VWA8: variants seen among roughly 807,000 people sequenced by gnomAD.
VWA8 encodes von Willebrand factor A domain containing 8.
Under a neutral mutation model 241.5 loss-of-function variants are expected in VWA8, and 221 were observed. The ratio of observed to expected loss-of-function variants is 0.91; its 90% CI spans 0.82 to 1.02. VWA8 has a LOEUF of 1.02. Ranked by LOEUF, VWA8 falls within the 50% of genes least tolerant of loss-of-function variation. The probability of loss-of-function intolerance (pLI) is 0.00; values close to 1 mark genes in which losing one functional copy is unlikely to be tolerated. For missense variants in VWA8, 2,322 were observed against 2,328.7 expected (o/e 1.00, Z 0.06); for synonymous variants, 852 against 827.1 (o/e 1.03, Z -0.52).
intron 17 of VWA8, among the ~76,000 whole-genome samples, chr13:41,802,981 G>A (rs1384766030): frequency 6.6e-6 from 1 of 152,214 alleles, no homozygotes; most frequent in African/African-American, 2.4e-5. Context: ...GATTCCATTT[G>A]TTTGAGGGAA....
intron 9 of VWA8, among the ~76,000 whole-genome samples, chr13:41,878,597 C>T (rs551626602): frequency 4.5e-4 from 69 of 152,274 alleles, no homozygotes; most frequent in African/African-American, 1.6e-3. Context: ...CATTAACTAG[C>T]TCTTCACATA....
At chr13:41,657,974 T>C (rs1299307516) in intron 37 of VWA8, among the ~76,000 whole-genome samples, 3 of 152,232 alleles carry the variant, frequency 2.0e-5, no homozygotes, top group African/African-American at 7.2e-5. Context: ...TAACGCATCT[T>C]TTAAAGGTTA....
chr13:41,711,829 A>G (rs955850545), intron 26 of VWA8, among the ~76,000 whole-genome samples: 16 of 152,220 alleles, frequency 1.1e-4, no homozygotes, highest in South Asian at 2.1e-4. Flanking sequence ...AGCCGAGATC[A>G]TGCCACTGCA....
At chr13:41,592,832 G>T (rs12876429) in intron 40 of VWA8, among the ~76,000 whole-genome samples, 48,337 of 151,822 alleles carry the variant, frequency 0.32, 8,406 homozygotes, top group Non-Finnish European at 0.4. Context: ...TAACCTGTCG[G>T]CATCTTTGTT....
chr13:41,607,570 C>CA, intron 39 of VWA8, among the ~76,000 whole-genome samples: 1 of 152,202 alleles, frequency 6.6e-6, no homozygotes, highest in South Asian at 2.1e-4. Context: ...GTTTATATGT[C>CA]AATATGCTTC....
At chr13:41,851,411 A>G (rs1872527661) in intron 12 of VWA8, among the ~76,000 whole-genome samples, 1 of 152,190 alleles carries the variant, frequency 6.6e-6, no homozygotes, top group African/African-American at 2.4e-5. Flanking sequence ...AATGACAGTG[A>G]TATGGTTTGG....
intron 21 of VWA8, among the ~76,000 whole-genome samples, chr13:41,758,423 T>TGG (rs2045713690): frequency 8.5e-6 from 1 of 117,360 alleles, no homozygotes; most frequent in Admixed American, 9.3e-5. Flanking sequence ...TATATATATA[T>TGG]ATATATACGC....
intron 17 of VWA8, among the ~76,000 whole-genome samples, chr13:41,794,499 G>C (rs1869600415): frequency 6.6e-6 from 1 of 152,212 alleles, no homozygotes; most frequent in Non-Finnish European, 1.5e-5. Context: ...CTGAGACTTT[G>C]CTGAAGTTGC....
chr13:41,588,223 G>A (rs752340404), intron 41 of VWA8, among the ~76,000 whole-genome samples: 9 of 152,188 alleles, frequency 5.9e-5, no homozygotes, highest in Non-Finnish European at 1.2e-4. Flanking sequence ...AACGACTTTT[G>A]TGTTTACTAA....
chr13:41,708,510 G>A (rs2045296858), intron 26 of VWA8, among the ~76,000 whole-genome samples: 1 of 152,126 alleles, frequency 6.6e-6, no homozygotes, highest in African/African-American at 2.4e-5. Flanking sequence ...AGAAACTTCA[G>A]AATGTCGCTT....
chr13:41,803,417 G>T (rs1870046032), intron 17 of VWA8, among the ~76,000 whole-genome samples: 3 of 152,150 alleles, frequency 2.0e-5, no homozygotes, highest in South Asian at 2.1e-4. Flanking sequence ...ACCTGAGACT[G>T]GGAAATTTAC....
chr13:41,737,291 C>G (rs925642186), intron 21 of VWA8, among the ~76,000 whole-genome samples: 2 of 152,124 alleles, frequency 1.3e-5, no homozygotes, highest in African/African-American at 2.4e-5. Flanking sequence ...ATAACTTTCA[C>G]AAGACCTATT....
At chr13:41,875,521 C>G (rs1402605069) in intron 9 of VWA8, among the ~76,000 whole-genome samples, 1 of 152,016 alleles carries the variant, frequency 6.6e-6, no homozygotes, top group African/African-American at 2.4e-5. Flanking sequence ...GGGGGTTCAG[C>G]TTCATCTCCA....
At chr13:41,797,166 G>C (rs1257664733) in intron 17 of VWA8, among the ~76,000 whole-genome samples, 1 of 151,490 alleles carries the variant, frequency 6.6e-6, no homozygotes, top group African/African-American at 2.4e-5. Context: ...AGGCAGCTGG[G>C]ATTACAGGCA....
At chr13:41,786,625 G>GT (rs1869203293) in intron 18 of VWA8, among the ~76,000 whole-genome samples, 1 of 151,876 alleles carries the variant, frequency 6.6e-6, no homozygotes, top group South Asian at 2.1e-4. Flanking sequence ...TTGACTCTGC[G>GT]TATCTGTATT....
At chr13:41,885,133 T>C (rs535412516) in intron 8 of VWA8, among the ~76,000 whole-genome samples, 1 of 152,304 alleles carries the variant, frequency 6.6e-6, no homozygotes, top group African/African-American at 2.4e-5. Context: ...ACTTTTTCCA[T>C]ATCATAAAAT....
chr13:41,810,363 C>A lies in VWA8; in HGVS notation c.2063+862G>T, dbSNP rs577197754. 2.7e-4 allele frequency among the ~76,000 whole-genome samples: 41 copies of A among 152,088 alleles called. 2 individuals are homozygous for A. Among genetic ancestry groups the A allele is most frequent in the Admixed American group, 2.1e-3 (32 of 15,276 alleles). On this transcript the variant is annotated intron_variant, in intron 17 of 44. Coordinates refer to ENST00000379310, the MANE Select transcript of VWA8 (RefSeq NM_015058.2). ...AGCACTATTCACAATAGCTAAGATT[C>A]GGAGGCAACCTAAGTGTTCATCAAC... is the stretch of plus-strand genomic sequence containing the variant.
Position 41,700,495 on chromosome 13 carries a change from C to A in VWA8, c.3364+897G>T, listed in dbSNP as rs368768519. Reference sequence around the variant, plus strand: ...GGATCTTTCATAATGCTTCCATTATCAACACAAATAAGTTCTATTCAACAT... The same window carrying A: ...GGATCTTTCATAATGCTTCCATTATAAACACAAATAAGTTCTATTCAACAT... On this transcript the variant is annotated intron_variant, in intron 28 of 44. Transcript: ENST00000379310. Among the ~76,000 whole-genome samples the A allele has an allele frequency of 2.9e-4, 44 of 152,154 alleles. No individual in the cohort carries two copies. The South Asian group carries it at 7.7e-3, about 27-fold the overall frequency.
intron 12 of VWA8, among the ~76,000 whole-genome samples, chr13:41,841,535 C>T (rs1339041182): frequency 6.6e-6 from 1 of 151,272 alleles, no homozygotes; most frequent in Non-Finnish European, 1.5e-5. Context: ...GCCTGTAATC[C>T]CAGCACTTTG....
Sources: allele counts gnomAD v4.1 joint callset (sites outside exome capture counted in the v4.1 genomes callset), GRCh38; gene constraint gnomAD v4.1.1; transcripts MANE v1.5; gene names NCBI Gene and HGNC (gene_info 2026-07-23, HGNC 2026-07-21).